Variants in AP1B1 observed in about 807,000 individuals in gnomAD.
The protein encoded by AP1B1 is adaptor related protein complex 1 subunit beta 1.
Under a neutral mutation model 104.3 loss-of-function variants are expected in AP1B1, and 36 were observed. The observed-to-expected ratio is 0.35, with a 90% CI of 0.26 to 0.46. AP1B1 has a LOEUF of 0.46. Among genes scored for constraint, AP1B1 ranks in the 20% least tolerant of loss-of-function variants. AP1B1 has a pLI of 1.00. For synonymous variants in AP1B1, 504 were observed against 517.5 expected (o/e 0.97, Z 0.35); for missense variants, 901 against 1,247.9 (o/e 0.72, Z 4.19).
At chr22:29,332,964 C>A in intron 17 of AP1B1, among the ~76,000 whole-genome samples, 1 of 152,268 alleles carries the variant, frequency 6.6e-6, no homozygotes, top group African/African-American at 2.4e-5. Context: ...AGACAATACT[C>A]CCAAAGCCGG....
intron 11 of AP1B1, among the ~76,000 whole-genome samples, chr22:29,347,204 C>A (rs548897426): frequency 4.6e-5 from 7 of 152,316 alleles, no homozygotes; most frequent in African/African-American, 1.7e-4. Flanking sequence ...CAGAAGAGAG[C>A]ATGCTACCCA....
chr22:29,328,708 C>G lies in AP1B1; in HGVS notation c.*113G>C. The G allele has an allele frequency of 7.4e-7, 1 of 1,350,538 alleles. No individual in the cohort carries two copies. Among genetic ancestry groups the G allele is most frequent in the Non-Finnish European group, 1.0e-6 (1 of 995,572 alleles). The allele number at this position is 1,350,538 out of a possible 1,614,324, so 83.7% of individuals were successfully genotyped here. Reference sequence around the variant, plus strand: ...TCTGCCATCAGGACCAGGGAGCCCACTGAGTGGCCTGGAGCCCCGCCTGGT... The same window carrying G: ...TCTGCCATCAGGACCAGGGAGCCCAGTGAGTGGCCTGGAGCCCCGCCTGGT... On this transcript the variant is annotated 3_prime_UTR_variant, in exon 23 of 23. Coordinates refer to ENST00000357586, the MANE Select transcript of AP1B1 (RefSeq NM_001127.4). This position sits in a 1 kb window ranked among gnomAD's most constrained non-coding sequence, Gnocchi z 4.1.
At chr22:29,384,059 G>A (rs1397079425) in intron 1 of AP1B1, among the ~76,000 whole-genome samples, 1 of 152,196 alleles carries the variant, frequency 6.6e-6, no homozygotes, top group Non-Finnish European at 1.5e-5. Context: ...AGGTAGGACA[G>A]GGGCTCTCCC....
chr22:29,382,529 G>A (rs572721335), intron 1 of AP1B1, among the ~76,000 whole-genome samples: 4 of 152,170 alleles, frequency 2.6e-5, no homozygotes, highest in Non-Finnish European at 5.9e-5. Flanking sequence ...GAAAGAGACC[G>A]TAAGCAAGAT....
chr22:29,376,701 G>A (rs552041638), intron 1 of AP1B1, among the ~76,000 whole-genome samples: 1 of 152,138 alleles, frequency 6.6e-6, no homozygotes, highest in Admixed American at 6.6e-5. Flanking sequence ...TTCTTCATTT[G>A]GAGCAGAAAG....
intron 16 of AP1B1, among the ~76,000 whole-genome samples, chr22:29,336,804 C>CAAAA (rs1174010439): frequency 2.7e-5 from 2 of 72,968 alleles, no homozygotes; most frequent in African/African-American, 8.7e-5. Flanking sequence ...AACTCTGTCT[C>CAAAA]AAAAAAAAAA....
chr22:29,336,023 C>T (rs1039781406), intron 16 of AP1B1, among the ~76,000 whole-genome samples: 2 of 152,208 alleles, frequency 1.3e-5, no homozygotes, highest in Non-Finnish European at 2.9e-5. Context: ...GGATGCAGAC[C>T]GCACTGCTCT....
At chr22:29,385,574 T>G (rs1254129514) in intron 1 of AP1B1, among the ~76,000 whole-genome samples, 1 of 152,196 alleles carries the variant, frequency 6.6e-6, no homozygotes, top group South Asian at 2.1e-4. Context: ...GAGCCACTGA[T>G]GAATTTTCAA....
chr22:29,368,942 A>G (rs991097342), intron 1 of AP1B1, among the ~76,000 whole-genome samples: 1 of 144,302 alleles, frequency 6.9e-6, no homozygotes, highest in Admixed American at 6.8e-5. Context: ...CCACCCCCGC[A>G]AAAAAAAAAC....
intron 17 of AP1B1, among the ~76,000 whole-genome samples, chr22:29,332,722 T>A (rs2061580363): frequency 6.6e-6 from 1 of 152,176 alleles, no homozygotes; most frequent in African/African-American, 2.4e-5. Context: ...GAATCAGAGT[T>A]TGGGCTGTCT....
At chr22:29,343,660 G>T (rs2061746384) in intron 11 of AP1B1, among the ~76,000 whole-genome samples, 1 of 152,204 alleles carries the variant, frequency 6.6e-6, no homozygotes, top group Non-Finnish European at 1.5e-5. Flanking sequence ...AGCTTGCTTG[G>T]AGCTGGAGTC....
intron 5 of AP1B1, among the ~76,000 whole-genome samples, chr22:29,357,051 T>C (rs909198571): frequency 7.9e-6 from 1 of 126,730 alleles, no homozygotes; most frequent in Non-Finnish European, 1.6e-5. Context: ...ACTAGGAAGG[T>C]GTTTTTTTTT....
chr22:29,357,566 A>C (rs1479018686), intron 5 of AP1B1, among the ~76,000 whole-genome samples: 1 of 151,648 alleles, frequency 6.6e-6, no homozygotes, highest in Non-Finnish European at 1.5e-5. Flanking sequence ...GGGTTTCACT[A>C]TGTTGGCCAG....
chr22:29,383,690 C>CAAA (rs35180572), intron 1 of AP1B1, among the ~76,000 whole-genome samples: 2 of 89,802 alleles, frequency 2.2e-5, no homozygotes, highest in Non-Finnish European at 2.2e-5. Flanking sequence ...GACTCCGTCT[C>CAAA]AAAAAAAAAA....
intron 2 of AP1B1, among the ~76,000 whole-genome samples, chr22:29,364,739 C>T (rs1439336555): frequency 7.0e-6 from 1 of 143,216 alleles, no homozygotes; most frequent in Non-Finnish European, 1.5e-5. Flanking sequence ...GACATAGTCT[C>T]ACTCTGTCAC....
intron 4 of AP1B1, chr22:29,359,525 C>T (rs1345080094): frequency 2.8e-5 from 9 of 322,946 alleles, no homozygotes; most frequent in East Asian, 5.3e-5. Context: ...GAGAAGCTCT[C>T]GGGCACCTGC....
chr22:29,373,229 A>G (rs959940524), intron 1 of AP1B1, among the ~76,000 whole-genome samples: 2 of 152,102 alleles, frequency 1.3e-5, no homozygotes, highest in Non-Finnish European at 2.9e-5. Context: ...CCAACATCGC[A>G]CTACTGCACT....
At chr22:29,337,715 C>T (rs940099387) in intron 16 of AP1B1, among the ~76,000 whole-genome samples, 14 of 152,188 alleles carry the variant, frequency 9.2e-5, no homozygotes, top group African/African-American at 3.4e-4. Context: ...CGCATGTCCT[C>T]ACATCCCAAA....
intron 17 of AP1B1, among the ~76,000 whole-genome samples, chr22:29,332,566 T>C (rs914312946): frequency 6.6e-5 from 10 of 152,176 alleles, no homozygotes; most frequent in Non-Finnish European, 1.2e-4. Flanking sequence ...GGGCTCGGTA[T>C]ACCTGGGCTG....
Sources: gnomAD v4.1 joint callset for allele counts (sites outside exome capture counted in the v4.1 genomes callset) on GRCh38, gnomAD v4.1.1 for gene constraint, Gnocchi (gnomAD v3.1) non-coding constraint, MANE v1.5 for transcripts, NCBI Gene and HGNC (gene_info 2026-07-23, HGNC 2026-07-21) for gene names.